The following NCOA2 variants were observed in gnomAD, a reference collection of about 807,000 sequenced individuals.
The protein encoded by NCOA2 is class E basic helix-loop-helix protein 75.
In NCOA2, 21 loss-of-function variants were observed where a neutral mutation model predicts 145.1. That is an observed-to-expected ratio of 0.14 (90% confidence interval 0.10 to 0.21). NCOA2 has a LOEUF of 0.21. NCOA2 is among the 10% of genes least tolerant of loss of function. NCOA2 has a pLI of 1.00. For missense variants in NCOA2, 1,472 were observed against 1,837.6 expected (o/e 0.80, Z 3.64); for synonymous variants, 619 against 637.5 (o/e 0.97, Z 0.44).
chr8:70,448,805 CTT>C, the NCOA2 span, among the ~76,000 whole-genome samples: 271 of 143,642 alleles, frequency 1.9e-3, no homozygotes, highest in Non-Finnish European at 1.6e-3. Context: ...TGTTGCCTGG[CTT>C]TTTTTTTTTT....
the NCOA2 span, among the ~76,000 whole-genome samples, chr8:70,445,467 C>G: frequency 6.6e-6 from 1 of 152,084 alleles, no homozygotes; most frequent in South Asian, 2.1e-4. Context: ...GAGCCTGTAA[C>G]GAGAGAAAGA....
intron 1 of NCOA2, among the ~76,000 whole-genome samples, chr8:70,341,483 C>G (rs961447308): frequency 4.6e-5 from 7 of 152,164 alleles, no homozygotes; most frequent in African/African-American, 1.7e-4. Flanking sequence ...CTGCCTCAAC[C>G]AATTTATAAA....
chr8:70,131,703 A>G (rs1809122450), intron 16 of NCOA2, 134 bp downstream of exon 16: 2 of 937,672 alleles, frequency 2.1e-6, no homozygotes. Context: ...AAACAGGGCC[A>G]GCCTGTTTTG....
intron 1 of NCOA2, among the ~76,000 whole-genome samples, chr8:70,325,685 G>A (rs558067547): frequency 6.6e-6 from 1 of 152,278 alleles, no homozygotes; most frequent in African/African-American, 2.4e-5. Flanking sequence ...TTACAGGCGT[G>A]AGCTATCGTG....
intron 1 of NCOA2, among the ~76,000 whole-genome samples, chr8:70,396,514 A>T (rs1391251146): frequency 6.6e-6 from 1 of 152,240 alleles, no homozygotes; most frequent in Non-Finnish European, 1.5e-5. Flanking sequence ...AGAGTACTGT[A>T]CGGTCATCTT....
the NCOA2 span, among the ~76,000 whole-genome samples, chr8:70,426,398 T>G: frequency 2.6e-5 from 4 of 152,366 alleles, no homozygotes; most frequent in South Asian, 8.3e-4. Context: ...ATATTTAATT[T>G]TATAAATTAT....
chr8:70,443,887 A>C, the NCOA2 span, among the ~76,000 whole-genome samples: 1 of 152,338 alleles, frequency 6.6e-6, no homozygotes, highest in East Asian at 1.9e-4. Context: ...TAAAAGAATA[A>C]TACTATATAT....
chr8:70,433,753 T>C, the NCOA2 span, among the ~76,000 whole-genome samples: 1 of 152,184 alleles, frequency 6.6e-6, no homozygotes, highest in South Asian at 2.1e-4. Flanking sequence ...TCGCTGAATG[T>C]GACCGGTGAC....
chr8:70,194,167 T>C (rs1817003422), intron 4 of NCOA2, among the ~76,000 whole-genome samples: 2 of 152,234 alleles, frequency 1.3e-5, no homozygotes, highest in African/African-American at 2.4e-5. Flanking sequence ...ATGAGAAACA[T>C]AGGCAAAGAT....
intron 1 of NCOA2, among the ~76,000 whole-genome samples, chr8:70,340,691 A>G (rs906787419): frequency 2.0e-5 from 3 of 152,056 alleles, no homozygotes; most frequent in African/African-American, 7.2e-5. Context: ...CATGGAATCA[A>G]CATGATAGAC....
At chr8:70,408,493 C>T (rs1215519619), upstream of NCOA2, among the ~76,000 whole-genome samples, 1 of 152,090 alleles carries the variant, frequency 6.6e-6, no homozygotes, top group Non-Finnish European at 1.5e-5. Context: ...AATAGAAATT[C>T]ACAATGGCCT....
intron 2 of NCOA2, among the ~76,000 whole-genome samples, chr8:70,249,850 G>A (rs1169633863): frequency 6.6e-6 from 1 of 150,934 alleles, no homozygotes; most frequent in African/African-American, 2.4e-5. Context: ...TGTAGTCCCA[G>A]CTACTCGGAG....
chr8:70,363,079 T>TTA (rs1554635943), intron 1 of NCOA2, among the ~76,000 whole-genome samples: 1 of 99,810 alleles, frequency 1.0e-5, no homozygotes, highest in African/African-American at 4.1e-5. Context: ...ACTCTGTCTT[T>TTA]AAAAAAAAAA....
chr8:70,225,104 C>A (rs1012475334), intron 2 of NCOA2, among the ~76,000 whole-genome samples: 4 of 152,086 alleles, frequency 2.6e-5, no homozygotes, highest in African/African-American at 9.7e-5. Flanking sequence ...TATTATGCAC[C>A]AAGCAAGGTT....
chr8:70,157,993 T>C (rs1812479582), intron 10 of NCOA2, among the ~76,000 whole-genome samples: 1 of 152,234 alleles, frequency 6.6e-6, no homozygotes, highest in African/African-American at 2.4e-5. Context: ...AAGATGATTT[T>C]GCAAGTTCTA....
rs183807962 is a variant in NCOA2, at chr8:70,258,844, A to T, written c.-20+37900T>A. Among the ~76,000 whole-genome samples, 274 of 152,344 alleles carry T rather than the reference A, an allele frequency of 1.8e-3. 1 individual carries two copies. The highest frequency in any genetic ancestry group is 3.0e-3 in the Non-Finnish European group (205 of 68,032). ...CATGATTATATTAACCATCTAACAT[A>T]GTTCTTAACATATAGTAGGAACTCA... On this transcript the variant is annotated intron_variant, in intron 2 of 22. Coordinates refer to ENST00000452400, the MANE Select transcript of NCOA2 (RefSeq NM_006540.4).
At chr8:70,293,229 T>C (rs1826840116) in intron 2 of NCOA2, among the ~76,000 whole-genome samples, 2 of 152,214 alleles carry the variant, frequency 1.3e-5, no homozygotes, top group South Asian at 2.1e-4. Flanking sequence ...CAAAGCCTGA[T>C]ACCTGTACCT....
At chr8:70,428,314 G>A in the NCOA2 span, among the ~76,000 whole-genome samples, 1 of 151,962 alleles carries the variant, frequency 6.6e-6, no homozygotes, top group Non-Finnish European at 1.5e-5. Flanking sequence ...ACAAAAATTA[G>A]CAGGGCATGA....
chr8:70,220,745 C>T (rs1458951400), intron 2 of NCOA2, among the ~76,000 whole-genome samples: 1 of 152,120 alleles, frequency 6.6e-6, no homozygotes, highest in Non-Finnish European at 1.5e-5. Flanking sequence ...CAACCTCATA[C>T]CATTAAAGCT....
Sources: allele counts gnomAD v4.1 joint callset (sites outside exome capture counted in the v4.1 genomes callset), GRCh38; gene constraint gnomAD v4.1.1; transcripts MANE v1.5; gene names NCBI Gene and HGNC (gene_info 2026-07-23, HGNC 2026-07-21).